The following DNAI3 variants were observed in gnomAD, a reference collection of about 807,000 sequenced individuals.
DNAI3 encodes the protein dynein axonemal intermediate chain 3, also known as WD repeat domain 63.
DNAI3 carries 83 observed loss-of-function variants against 115.5 expected under a neutral mutation model. That is an observed-to-expected ratio of 0.72 (90% CI 0.60 to 0.86). The LOEUF is 0.86. Among genes scored for constraint, DNAI3 ranks in the 40% least tolerant of loss-of-function variants. The pLI is 0.00. For missense variants in DNAI3, 1,004 were observed against 1,075.8 expected, an observed-to-expected ratio of 0.93 and a Z score of 0.93; for synonymous variants, 320 against 347.0, an observed-to-expected ratio of 0.92 and a Z score of 0.86.
At chr1:85,094,175 T>C (rs1211588358) in intron 9 of DNAI3, 5 of 501,006 alleles carry the variant, frequency 1.0e-5, no homozygotes, top group African/African-American at 5.8e-5. Flanking sequence ...GATTTTCTTT[T>C]CTTCCAAAAT....
rs1387939778 is a variant in DNAI3, at chr1:85,073,100, G to A, written c.103+8G>A. 1.3e-6 allele frequency: 2 copies of A among 1,530,984 alleles called. No individual in the cohort carries two copies. The highest frequency in any genetic ancestry group is 2.3e-5 in the East Asian group (1 of 42,676). The allele number at this position is 1,530,984 out of a possible 1,614,324, so 94.8% of individuals were successfully genotyped here. A position where few individuals can be genotyped will look rare whatever the true frequency, so the allele number is the denominator to read the frequency against. On this transcript the variant is annotated splice_region_variant and intron_variant, in intron 3 of 22. Transcript: ENST00000294664. ...TAAATATGGAGAGCATGGGTAAGTGGAAATATAATTTACAACTTACATCCT... is the reference window on the plus strand; with the variant it reads ...TAAATATGGAGAGCATGGGTAAGTGAAAATATAATTTACAACTTACATCCT...
intron 1 of DNAI3, among the ~76,000 whole-genome samples, chr1:85,066,598 G>T (rs1313883197): frequency 6.6e-6 from 1 of 152,026 alleles, no homozygotes; most frequent in Non-Finnish European, 1.5e-5. Flanking sequence ...AAAGTTTTGG[G>T]ATTACAGGCG....
At chr1:85,063,469 T>C (rs1264190904) in intron 1 of DNAI3, among the ~76,000 whole-genome samples, 1 of 152,180 alleles carries the variant, frequency 6.6e-6, no homozygotes, top group Non-Finnish European at 1.5e-5. Context: ...GTGAAAGTAC[T>C]GAAGGCCATA....
In DNAI3 at chr1:85,084,528, C is replaced by A; in HGVS notation, c.391-18C>A. 1 of 1,376,844 alleles carries A rather than the reference C, an allele frequency of 7.3e-7. No individual in the cohort carries two copies. The highest frequency in any genetic ancestry group is 9.4e-7 in the Non-Finnish European group (1 of 1,058,784). The allele number at this position is 1,376,844 out of a possible 1,614,324, so 85.3% of individuals were successfully genotyped here. On this transcript the variant is annotated intron_variant, in intron 5 of 22. Coordinates refer to ENST00000294664, the MANE Select transcript of DNAI3 (RefSeq NM_145172.5). Reference sequence around the variant, plus strand: ...AAACTTGGGCATACATTGTAGAATGCTATTTATTTTACTTTAGCCCCCAGA... The same window carrying A: ...AAACTTGGGCATACATTGTAGAATGATATTTATTTTACTTTAGCCCCCAGA...
intron 1 of DNAI3, among the ~76,000 whole-genome samples, chr1:85,068,688 C>T (rs920803852): frequency 6.6e-6 from 1 of 152,158 alleles, no homozygotes; most frequent in Non-Finnish European, 1.5e-5. Context: ...ACCTAGCCCC[C>T]CTTGTGGTAT....
chr1:85,109,993 C>G, intron 15 of DNAI3, 55 bp from the exon 16 acceptor site: 1 of 1,542,062 alleles, frequency 6.5e-7, no homozygotes, highest in Non-Finnish European at 8.9e-7. Flanking sequence ...ATAAATTACC[C>G]AAGGATAATT....
chr1:85,067,680 A>G (rs1654139870), intron 1 of DNAI3, among the ~76,000 whole-genome samples: 1 of 152,208 alleles, frequency 6.6e-6, no homozygotes. Flanking sequence ...AGGTAGGCCC[A>G]GTGTAGTCAC....
At chr1:85,125,041 G>A (rs980202798) in intron 19 of DNAI3, among the ~76,000 whole-genome samples, 1 of 152,152 alleles carries the variant, frequency 6.6e-6, no homozygotes, top group African/African-American at 2.4e-5. Context: ...GAGGCAGCAA[G>A]AGTGTGGTCA....
rs75119348 is a variant in DNAI3, at chr1:85,070,896, T to C, written c.-14-1032T>C. Among the ~76,000 whole-genome samples, 398 of 152,306 alleles carry C rather than the reference T, an allele frequency of 2.6e-3. 14 individuals carry two copies. In the East Asian group the frequency reaches 0.051, roughly 20 times the overall value. On this transcript the variant is annotated intron_variant, in intron 1 of 22. Transcript: ENST00000294664. ...TAAAAAAAATTCATATGAGAAAATC[T>C]AAAGGGAAGATGTTTACACAGGAAC... is the stretch of plus-strand genomic sequence containing the variant.
intron 8 of DNAI3, among the ~76,000 whole-genome samples, chr1:85,091,366 C>G (rs1377536533): frequency 2.6e-5 from 4 of 152,100 alleles, no homozygotes; most frequent in Admixed American, 2.6e-4. Flanking sequence ...AATTTCCATG[C>G]TTATAAAGAA....
chr1:85,132,594 A>G (rs1255355808), intron 22 of DNAI3, among the ~76,000 whole-genome samples: 1 of 152,112 alleles, frequency 6.6e-6, no homozygotes, highest in Non-Finnish European at 1.5e-5. Context: ...AAGGGAAACA[A>G]GAGTTATAGG....
chr1:85,084,000 T>C (rs888322493), intron 5 of DNAI3, among the ~76,000 whole-genome samples: 6 of 151,778 alleles, frequency 4.0e-5, no homozygotes, highest in African/African-American at 1.4e-4. Context: ...TCAATATCAG[T>C]ACATTTAGAT....
chr1:85,125,270 G>A (rs1656099387), intron 19 of DNAI3, among the ~76,000 whole-genome samples: 1 of 151,810 alleles, frequency 6.6e-6, no homozygotes, highest in Non-Finnish European at 1.5e-5. Context: ...ATGCATATGT[G>A]TATACCAACT....
At chr1:85,090,338 AG>A (rs1188377919) in intron 8 of DNAI3, 106 bp downstream of exon 8, 30 of 550,512 alleles carry the variant, frequency 5.4e-5, no homozygotes, top group Non-Finnish European at 9.0e-5. Flanking sequence ...CTAGATAAAA[AG>A]TATGAAGACA....
intron 1 of DNAI3, among the ~76,000 whole-genome samples, chr1:85,071,544 GC>G (rs1244096705): frequency 6.6e-6 from 1 of 152,218 alleles, no homozygotes; most frequent in African/African-American, 2.4e-5. Context: ...TGTCTTTGTA[GC>G]TGGGCTACCT....
chr1:85,080,822 G>A (rs1196337033), intron 3 of DNAI3, among the ~76,000 whole-genome samples: 2 of 152,120 alleles, frequency 1.3e-5, no homozygotes, highest in African/African-American at 4.8e-5. Flanking sequence ...TTACCAATAC[G>A]AGAATGGTTT....
chr1:85,098,550 G>A lies in DNAI3; in HGVS notation c.1371G>A (p.Pro457=), dbSNP rs199918615. The A allele has an allele frequency of 2.3e-5, 37 of 1,611,720 alleles. No homozygotes were observed. Among genetic ancestry groups the A allele is most frequent in the Non-Finnish European group, 2.6e-5 (31 of 1,179,270 alleles). Residue 457 remains proline (P), a synonymous_variant, in exon 13 of 23, where the codon CCG becomes CCA. Transcript: ENST00000294664. ...TTCAGCCTATGTTTCTCCTTGAACC[G>A]GAGAGTAATAAAGAAGCAATGTATA... The part of the protein sequence containing the change: ...ATLKPMFLLE[P]ESNKEAMYIR...
In DNAI3 at chr1:85,073,106, T is replaced by TA; in HGVS notation, c.103+16dup. The TA allele has an allele frequency of 6.5e-7, 1 of 1,528,264 alleles. No individual in the cohort carries two copies. The highest frequency in any genetic ancestry group is 8.8e-7 in the Non-Finnish European group (1 of 1,130,056). The allele number at this position is 1,528,264 out of a possible 1,614,324, so 94.7% of individuals were successfully genotyped here. A position where few individuals can be genotyped will look rare whatever the true frequency, so the allele number is the denominator to read the frequency against. On this transcript the variant is annotated intron_variant, in intron 3 of 22. Transcript: ENST00000294664. ...TGGAGAGCATGGGTAAGTGGAAATA[T>TA]AATTTACAACTTACATCCTCAGTTT...
chr1:85,087,159 C>T (rs542089244), intron 7 of DNAI3, among the ~76,000 whole-genome samples: 6 of 152,104 alleles, frequency 3.9e-5, no homozygotes, highest in Admixed American at 6.5e-5. Flanking sequence ...ACAACTTGGC[C>T]GGGCACCGTG....
Sources: allele counts gnomAD v4.1 joint callset (sites outside exome capture counted in the v4.1 genomes callset), GRCh38; gene constraint gnomAD v4.1.1; transcripts MANE v1.5; gene names NCBI Gene and HGNC (gene_info 2026-07-23, HGNC 2026-07-21).